The following PTPRN2 variants were observed in gnomAD, a reference collection of about 807,000 sequenced individuals.
PTPRN2 encodes receptor-type tyrosine-protein phosphatase N2.
Under a neutral mutation model 118.8 loss-of-function variants are expected in PTPRN2, and 74 were observed. That is an observed-to-expected ratio of 0.62 (90% confidence interval 0.52 to 0.76). The LOEUF (loss-of-function observed/expected upper bound fraction) is 0.76. Ranked by LOEUF, PTPRN2 falls within the 30% of genes least tolerant of loss-of-function variation. The pLI is 0.00. For synonymous variants in PTPRN2, 641 were observed against 608.0 expected, an observed-to-expected ratio of 1.05 and a Z score of -0.80; for missense variants, 1,481 against 1,394.4, an observed-to-expected ratio of 1.06 and a Z score of -0.99.
In PTPRN2 at chr7:158,539,607, C is replaced by T. The variant is rs1825854181; in HGVS notation, c.112+47951G>A. 2.0e-5 allele frequency: 4 copies of T among 202,430 alleles called. No homozygotes were observed. In the South Asian group the frequency reaches 2.9e-4, roughly 15 times the overall value. 12.5% of individuals were successfully genotyped at this position (202,430 alleles called of 1,614,324 possible). A position where few individuals can be genotyped will look rare whatever the true frequency, so the allele number is the denominator to read the frequency against. On this transcript the variant is annotated intron_variant, in intron 1 of 22. Coordinates refer to ENST00000389418, the MANE Select transcript of PTPRN2 (RefSeq NM_002847.5). The stretch of plus-strand genomic sequence containing the variant: ...GAGCAGGCACTTCTAAAGGGTGGCC[C>T]TTCCGAGAGGGAAAGGCCTGGAGCC...
At chr7:157,759,418 G>A (rs1037542663) in intron 12 of PTPRN2, among the ~76,000 whole-genome samples, 28 of 152,238 alleles carry the variant, frequency 1.8e-4, no homozygotes, top group African/African-American at 6.3e-4. Context: ...GGGAGAACCC[G>A]AGGTGGACAG....
intron 2 of PTPRN2, among the ~76,000 whole-genome samples, chr7:158,425,631 AGC>A (rs1815676757): frequency 8.8e-6 from 1 of 113,382 alleles, no homozygotes; most frequent in African/African-American, 3.9e-5. Flanking sequence ...AGTCCAGCCT[AGC>A]TGAGGCCTGC....
At chr7:158,288,139 C>T (rs1408530438) in intron 3 of PTPRN2, among the ~76,000 whole-genome samples, 1 of 152,102 alleles carries the variant, frequency 6.6e-6, no homozygotes, top group Non-Finnish European at 1.5e-5. Flanking sequence ...TCTTCATTTG[C>T]ATGAAATATC....
At position 158,319,474 on chromosome 7, in the gene PTPRN2, A is replaced by ACAC. The variant is rs1256486494; in HGVS notation, c.164-2543_164-2542insGTG. 6.1e-4 allele frequency among the ~76,000 whole-genome samples: 33 copies of ACAC among 54,438 alleles called. 3 individuals are homozygous for ACAC. Among genetic ancestry groups the ACAC allele is most frequent in the African/African-American group, 1.0e-3 (13 of 12,528 alleles). The allele number at this position is 54,438 out of a possible 152,430, so 35.7% of individuals were successfully genotyped here. On this transcript the variant is annotated intron_variant, in intron 2 of 22. Coordinates refer to ENST00000389418, the MANE Select transcript of PTPRN2 (RefSeq NM_002847.5). ...CACGCACACAGCCTCCCTCACACAC[A>ACAC]AGCACAGCCTCCCTCACACTCACAC...
Position 158,072,838 on chromosome 7 carries a change from G to A in PTPRN2, c.1723+8460C>T, listed in dbSNP as rs140860674. ...AGTTTCAGATGCCAACGGGCTGGCG[G>A]AACATAATTTTTTAAATAATTGAGC... is the stretch of plus-strand genomic sequence containing the variant. On this transcript the variant is annotated intron_variant, in intron 11 of 22. Coordinates refer to ENST00000389418, the MANE Select transcript of PTPRN2 (RefSeq NM_002847.5). Among the ~76,000 whole-genome samples, 5 of 152,304 alleles carry A rather than the reference G, an allele frequency of 3.3e-5. No homozygotes were observed. In the East Asian group the frequency reaches 7.7e-4, roughly 24 times the overall value.
At chr7:158,239,824 G>C (rs1795802830) in intron 3 of PTPRN2, among the ~76,000 whole-genome samples, 1 of 152,168 alleles carries the variant, frequency 6.6e-6, no homozygotes, top group Admixed American at 6.5e-5. Flanking sequence ...ACGCCCATTG[G>C]GTCACGAAAT....
At chr7:158,202,533 C>T (rs1384693914) in intron 4 of PTPRN2, among the ~76,000 whole-genome samples, 1 of 152,138 alleles carries the variant, frequency 6.6e-6, no homozygotes, top group Non-Finnish European at 1.5e-5. Context: ...GTTCCAAACC[C>T]CACCAAAGCC....
At chr7:158,257,439 G>A (rs536876644) in intron 3 of PTPRN2, among the ~76,000 whole-genome samples, 3 of 152,240 alleles carry the variant, frequency 2.0e-5, no homozygotes, top group African/African-American at 7.2e-5. Flanking sequence ...TGCGCTAAAC[G>A]TCTTTTTCTT....
chr7:158,411,191 C>G (rs1330736608), intron 2 of PTPRN2, among the ~76,000 whole-genome samples: 1 of 152,192 alleles, frequency 6.6e-6, no homozygotes. Context: ...GCACCCCATC[C>G]CTTACAACCA....
chr7:158,235,080 A>T (rs1194957075), intron 3 of PTPRN2, among the ~76,000 whole-genome samples: 1 of 152,172 alleles, frequency 6.6e-6, no homozygotes, highest in East Asian at 1.9e-4. Flanking sequence ...CTCTTATTGA[A>T]AAGACAGAAA....
In PTPRN2 at chr7:158,248,717, A is replaced by C. The variant is rs182953133; in HGVS notation, c.278-43444T>G. Among the ~76,000 whole-genome samples, 245 of 151,358 alleles carry C rather than the reference A, an allele frequency of 1.6e-3. 1 individual carries two copies. Among genetic ancestry groups the C allele is most frequent in the African/African-American group, 5.7e-3 (233 of 41,180 alleles). On this transcript the variant is annotated intron_variant, in intron 3 of 22. Transcript: ENST00000389418. ...ACGTGCACACACGCCACACACATGC[A>C]CCCACATCACATGCATGCCCCTACA...
chr7:158,366,538 A>G (rs1287512259), intron 2 of PTPRN2, among the ~76,000 whole-genome samples: 1 of 152,206 alleles, frequency 6.6e-6, no homozygotes. Flanking sequence ...ACTGGAGATA[A>G]TGAGGAATCG....
intron 5 of PTPRN2, among the ~76,000 whole-genome samples, chr7:158,176,298 A>C (rs1192612101): frequency 6.6e-6 from 1 of 152,096 alleles, no homozygotes; most frequent in Non-Finnish European, 1.5e-5. Flanking sequence ...CGGGGCTCTT[A>C]TTCACTGAGT....
chr7:157,595,207 G>C (rs1801220504), intron 17 of PTPRN2, 31 bp downstream of exon 17: 6 of 1,604,518 alleles, frequency 3.7e-6, no homozygotes, highest in Non-Finnish European at 5.1e-6. Flanking sequence ...CTTCTTTTCA[G>C]AAAGAGAGAT....
chr7:158,376,299 G>A (rs1215746079), intron 2 of PTPRN2, among the ~76,000 whole-genome samples: 1 of 151,610 alleles, frequency 6.6e-6, no homozygotes. Context: ...TCCTGAGAGG[G>A]GGGTCAGGGG....
chr7:157,977,111 G>T lies in PTPRN2; in HGVS notation c.1724-78374C>A, dbSNP rs1359481573. On this transcript the variant is annotated intron_variant, in intron 11 of 22. Transcript: ENST00000389418. The surrounding 1 kb of genome is among the most constrained non-coding windows in gnomAD (Gnocchi z 4.6). ...GCAAGGGTAGGAACCACAGCTAATA[G>T]TCCATGAATCTAATAATTAGTTAAC... is the stretch of plus-strand genomic sequence containing the variant. Among the ~76,000 whole-genome samples, 1 of 151,978 alleles carries T rather than the reference G, an allele frequency of 6.6e-6. No homozygotes were observed. Among genetic ancestry groups the T allele is most frequent in the African/African-American group, 2.4e-5 (1 of 41,418 alleles).
chr7:157,896,738 G>A (rs1797153814), intron 12 of PTPRN2, among the ~76,000 whole-genome samples: 1 of 152,206 alleles, frequency 6.6e-6, no homozygotes, highest in Non-Finnish European at 1.5e-5. Context: ...TGCTTAAGAG[G>A]CAACCTGTGG....
intron 12 of PTPRN2, among the ~76,000 whole-genome samples, chr7:157,685,954 C>T (rs1399404204): frequency 2.0e-5 from 3 of 152,174 alleles, no homozygotes; most frequent in Admixed American, 6.5e-5. Flanking sequence ...CCGCGCCGGT[C>T]CACAAGGAGG....
At chr7:157,887,051 C>T (rs1261413931) in intron 12 of PTPRN2, among the ~76,000 whole-genome samples, 1 of 149,670 alleles carries the variant, frequency 6.7e-6, no homozygotes, top group Non-Finnish European at 1.5e-5. Context: ...CATCGAAGTC[C>T]TCATCAGCTG....
Sources: gnomAD v4.1 joint callset for allele counts (sites outside exome capture counted in the v4.1 genomes callset) on GRCh38, gnomAD v4.1.1 for gene constraint, Gnocchi (gnomAD v3.1) non-coding constraint, MANE v1.5 for transcripts, NCBI Gene and HGNC (gene_info 2026-07-23, HGNC 2026-07-21) for gene names.